MGAT4C: variants seen among roughly 807,000 people sequenced by gnomAD.
MGAT4C encodes alpha-1,3-mannosyl-glycoprotein 4-beta-N-acetylglucosaminyltransferase C.
Under a neutral mutation model 40.1 loss-of-function variants are expected in MGAT4C, and 19 were observed. That is an observed-to-expected ratio of 0.47 (90% CI 0.33 to 0.70). The LOEUF (loss-of-function observed/expected upper bound fraction) is 0.70. Among genes scored for constraint, MGAT4C ranks in the 30% least tolerant of loss-of-function variants. The pLI is 0.02. For missense variants in MGAT4C, 491 were observed against 563.2 expected (o/e 0.87, Z 1.30); for synonymous variants, 181 against 187.1 (o/e 0.97, Z 0.27).
At chr12:86,130,525 AC>A (rs1347303236) in intron 1 of MGAT4C, among the ~76,000 whole-genome samples, 1 of 152,122 alleles carries the variant, frequency 6.6e-6, no homozygotes, top group Non-Finnish European at 1.5e-5. Context: ...GCTGACTTGA[AC>A]ATGATATCTG....
chr12:86,513,970 T>A (rs1958639135), intron 2 of MGAT4C, among the ~76,000 whole-genome samples: 1 of 151,252 alleles, frequency 6.6e-6, no homozygotes, highest in African/African-American at 2.4e-5. Context: ...AAAAGCCAAA[T>A]CCCTAGAGAA....
chr12:86,798,407 A>T (rs1449691313), intron 1 of MGAT4C, among the ~76,000 whole-genome samples: 2 of 151,908 alleles, frequency 1.3e-5, no homozygotes, highest in African/African-American at 4.8e-5. Flanking sequence ...GACGAGTGTT[A>T]CTACCTCAGG....
intron 1 of MGAT4C, among the ~76,000 whole-genome samples, chr12:86,214,252 G>A (rs1029423461): frequency 3.9e-5 from 6 of 152,068 alleles, no homozygotes; most frequent in African/African-American, 1.4e-4. Flanking sequence ...TCTGGACTAT[G>A]TGGGTCATTC....
intron 2 of MGAT4C, among the ~76,000 whole-genome samples, chr12:86,650,994 G>A (rs1412403187): frequency 6.6e-6 from 1 of 151,820 alleles, no homozygotes. Flanking sequence ...TATCCTTGAG[G>A]GCATAAGAAC....
At chr12:86,529,360 C>T in intron 2 of MGAT4C, among the ~76,000 whole-genome samples, 1 of 151,942 alleles carries the variant, frequency 6.6e-6, no homozygotes, top group East Asian at 1.9e-4. Context: ...GAGTAAGCAC[C>T]AGTATGAGCA....
At chr12:86,764,791 A>C (rs1007424879) in intron 1 of MGAT4C, among the ~76,000 whole-genome samples, 22 of 152,140 alleles carry the variant, frequency 1.4e-4, no homozygotes, top group African/African-American at 4.3e-4. Flanking sequence ...TCCAACAGAC[A>C]TGCAGCTGAC....
chr12:86,070,301 T>C (rs555193139), intron 1 of MGAT4C, among the ~76,000 whole-genome samples: 2 of 152,274 alleles, frequency 1.3e-5, no homozygotes, highest in African/African-American at 2.4e-5. Context: ...TAATATGCCA[T>C]ATGATTTACT....
At chr12:86,758,921 T>C (rs1259704791) in intron 1 of MGAT4C, among the ~76,000 whole-genome samples, 1 of 152,090 alleles carries the variant, frequency 6.6e-6, no homozygotes, top group Non-Finnish European at 1.5e-5. Flanking sequence ...CTGCCTGTTT[T>C]GAAATATATA....
intron 1 of MGAT4C, among the ~76,000 whole-genome samples, chr12:86,159,141 C>T (rs1312917021): frequency 6.6e-6 from 1 of 152,100 alleles, no homozygotes. Flanking sequence ...TGAGCTTTTA[C>T]TCATCCAGTA....
chr12:86,414,096 G>A (rs1478313150), intron 3 of MGAT4C, among the ~76,000 whole-genome samples: 2 of 151,838 alleles, frequency 1.3e-5, no homozygotes, highest in South Asian at 2.1e-4. Flanking sequence ...TACATGAAAA[G>A]CAACTTGAAT....
intron 2 of MGAT4C, among the ~76,000 whole-genome samples, chr12:86,700,036 A>ATAGATAGATAGATAGAT (rs994194482): frequency 1.8e-3 from 3 of 1,676 alleles, no homozygotes; most frequent in African/African-American, 3.7e-3. Flanking sequence ...ATTTAGATAA[A>ATAGATAGATAGATAGAT]TAGATAGATA....
intron 2 of MGAT4C, among the ~76,000 whole-genome samples, chr12:86,576,297 T>C (rs1291063709): frequency 1.1e-4 from 17 of 152,000 alleles, no homozygotes; most frequent in Admixed American, 1.1e-3. Context: ...TTCACTTTGT[T>C]GATTATATCC....
At chr12:86,723,685 G>A (rs553269861) in intron 2 of MGAT4C, among the ~76,000 whole-genome samples, 1 of 152,060 alleles carries the variant, frequency 6.6e-6, no homozygotes, top group African/African-American at 2.4e-5. Flanking sequence ...TATGGCATTG[G>A]GGAACAAATA....
At chr12:86,191,383 G>T (rs1278701807) in intron 1 of MGAT4C, among the ~76,000 whole-genome samples, 1 of 151,798 alleles carries the variant, frequency 6.6e-6, no homozygotes, top group African/African-American at 2.4e-5. Context: ...GAATGCAATG[G>T]AAATATTCAA....
intron 2 of MGAT4C, among the ~76,000 whole-genome samples, chr12:86,711,127 C>A (rs544071428): frequency 6.6e-6 from 1 of 152,036 alleles, no homozygotes; most frequent in African/African-American, 2.4e-5. Context: ...TCTCAGAAAT[C>A]ACCACGAAAG....
intron 1 of MGAT4C, among the ~76,000 whole-genome samples, chr12:86,174,819 C>A (rs1887220879): frequency 6.6e-6 from 1 of 152,080 alleles, no homozygotes; most frequent in South Asian, 2.1e-4. Flanking sequence ...TTGGTACTCA[C>A]TCGTATTTAT....
At position 86,109,845 on chromosome 12, in the gene MGAT4C, C is replaced by T. The variant is rs528047238; in HGVS notation, c.-56-60122G>A. On this transcript the variant is annotated intron_variant, in intron 1 of 4. Coordinates refer to ENST00000611864, the MANE Select transcript of MGAT4C (RefSeq NM_001351288.2). ...AAAAAGTGACCACACTGAGTTAATCCATTACAAGAGAACTGAGTGGTACTG... is the reference window on the plus strand; with the variant it reads ...AAAAAGTGACCACACTGAGTTAATCTATTACAAGAGAACTGAGTGGTACTG... 4.6e-5 allele frequency among the ~76,000 whole-genome samples: 7 copies of T among 151,870 alleles called. No homozygotes were observed. The South Asian group carries it at 1.2e-3, about 27-fold the overall frequency.
At chr12:86,816,332 ATACGT>A (rs1303804817) in intron 1 of MGAT4C, among the ~76,000 whole-genome samples, 12 of 152,030 alleles carry the variant, frequency 7.9e-5, no homozygotes, top group African/African-American at 2.9e-4. Flanking sequence ...CTTTTTAAAA[ATACGT>A]TACAAGTTTG....
At chr12:86,272,897 A>G (rs903974040) in intron 4 of MGAT4C, among the ~76,000 whole-genome samples, 1 of 152,148 alleles carries the variant, frequency 6.6e-6, no homozygotes, top group Non-Finnish European at 1.5e-5. Context: ...ATTTGCATTC[A>G]TTGTACAGAT....
Sources: gnomAD v4.1 joint callset for allele counts (sites outside exome capture counted in the v4.1 genomes callset) on GRCh38, gnomAD v4.1.1 for gene constraint, MANE v1.5 for transcripts, NCBI Gene and HGNC (gene_info 2026-07-23, HGNC 2026-07-21) for gene names.